The following RRAGD variants were observed in gnomAD, a reference collection of about 807,000 sequenced individuals.
The protein encoded by RRAGD is Ras related GTP binding D.
In RRAGD, 12 loss-of-function variants were observed where a neutral mutation model predicts 35.5. The ratio of observed to expected loss-of-function variants is 0.34; its 90% CI spans 0.22 to 0.55. The LOEUF (loss-of-function observed/expected upper bound fraction) is 0.55. Among genes scored for constraint, RRAGD ranks in the 20% least tolerant of loss-of-function variants. The probability of loss-of-function intolerance (pLI) is 0.91; values close to 1 mark genes in which losing one functional copy is unlikely to be tolerated. For missense variants in RRAGD, 324 were observed against 490.1 expected, an observed-to-expected ratio of 0.66 and a Z score of 3.20; for synonymous variants, 155 against 178.9, an observed-to-expected ratio of 0.87 and a Z score of 1.07.
chr6:89,384,672 G>T (rs187044633), intron 2 of RRAGD, among the ~76,000 whole-genome samples: 1 of 151,868 alleles, frequency 6.6e-6, no homozygotes. Flanking sequence ...AAAATTAGCC[G>T]GGTGTGGTGG....
Position 89,367,844 on chromosome 6 carries a change from A to AT in RRAGD, c.*211dup. On this transcript the variant is annotated 3_prime_UTR_variant, in exon 7 of 7. Transcript: ENST00000369415. ...CATTTGTGTAATGAAATGACAATGG[A>AT]TTTCACATCACTGTTAATATACAAG... 1 of 400,656 alleles carries AT rather than the reference A, an allele frequency of 2.5e-6. No homozygotes were observed. Among genetic ancestry groups the AT allele is most frequent in the Admixed American group, 4.3e-5 (1 of 23,382 alleles). The allele number at this position is 400,656 out of a possible 1,614,324, so 24.8% of individuals were successfully genotyped here. A position where few individuals can be genotyped will look rare whatever the true frequency, so the allele number is the denominator to read the frequency against.
Position 89,367,940 on chromosome 6 carries a change from T to A in RRAGD, c.*116A>T, listed in dbSNP as rs1057155195. 3.9e-5 allele frequency: 38 copies of A among 983,756 alleles called. No homozygotes were observed. The Middle Eastern group carries it at 9.4e-4, about 24-fold the overall frequency. 60.9% of individuals were successfully genotyped at this position (983,756 alleles called of 1,614,324 possible). ...GAGGGTTGCAGGAATTTTTTTTTTT[T>A]AACAACAAATCAATGGTATGTGTCC... On this transcript the variant is annotated 3_prime_UTR_variant, in exon 7 of 7. Transcript: ENST00000369415.
At chr6:89,373,869 CACTT>C (rs1379631715) in intron 5 of RRAGD, among the ~76,000 whole-genome samples, 1 of 152,140 alleles carries the variant, frequency 6.6e-6, no homozygotes, top group Non-Finnish European at 1.5e-5. Context: ...ATAAAATACA[CACTT>C]ATTATCATGG....
intron 5 of RRAGD, among the ~76,000 whole-genome samples, chr6:89,373,235 A>C (rs1168613105): frequency 1.3e-5 from 2 of 152,270 alleles, no homozygotes. Flanking sequence ...GATGAATCCC[A>C]GTGAAGAGTT....
chr6:89,386,447 G>T (rs1769138773), intron 2 of RRAGD, among the ~76,000 whole-genome samples: 1 of 152,122 alleles, frequency 6.6e-6, no homozygotes, highest in South Asian at 2.1e-4. Flanking sequence ...CTCGCGACTG[G>T]GAATGGGGCT....
intron 3 of RRAGD, among the ~76,000 whole-genome samples, 198 bp downstream of exon 3, chr6:89,379,970 A>G (rs148838327): frequency 1.3e-5 from 2 of 152,352 alleles, no homozygotes; most frequent in African/African-American, 4.8e-5. Context: ...TTAAAAAACA[A>G]AAAAACATCG....
chr6:89,368,763 A>G (rs1043288274), intron 6 of RRAGD, among the ~76,000 whole-genome samples: 1 of 152,196 alleles, frequency 6.6e-6, no homozygotes, highest in African/African-American at 2.4e-5. Flanking sequence ...TCAACAACCA[A>G]TGACACTCAG....
chr6:89,377,844 G>C (rs542024759), intron 4 of RRAGD, 31 bp from the exon 5 acceptor site: 3 of 1,566,768 alleles, frequency 1.9e-6, no homozygotes, highest in Non-Finnish European at 2.6e-6. Context: ...TTGCCTTAAA[G>C]CAACAGTCAA....
In RRAGD at chr6:89,411,838, G is replaced by A. The variant is rs770292082; in HGVS notation, c.148+8C>T. The A allele has an allele frequency of 1.3e-6, 2 of 1,547,796 alleles. No individual in the cohort carries two copies. The highest frequency in any genetic ancestry group is 1.7e-6 in the Non-Finnish European group (2 of 1,150,308). Reference sequence around the variant, plus strand: ...CGCGAGCCGAGGACGCGGGGGCCGGGCGCTCACCTCCCTCCTCTGTGCCGC... The same window carrying A: ...CGCGAGCCGAGGACGCGGGGGCCGGACGCTCACCTCCCTCCTCTGTGCCGC... On this transcript the variant is annotated splice_region_variant and intron_variant, in intron 1 of 6. Transcript: ENST00000369415. This position sits in a 1 kb window ranked among gnomAD's most constrained non-coding sequence, Gnocchi z 5.6.
intron 1 of RRAGD, among the ~76,000 whole-genome samples, chr6:89,410,704 C>A (rs1282460728): frequency 6.6e-6 from 1 of 152,210 alleles, no homozygotes; most frequent in Admixed American, 6.5e-5. Flanking sequence ...CTTTCTGATT[C>A]ATTGAAAGTC....
At chr6:89,387,243 G>C in intron 2 of RRAGD, 52 bp downstream of exon 2, 1 of 1,543,472 alleles carries the variant, frequency 6.5e-7, no homozygotes, top group Middle Eastern at 1.7e-4. Context: ...AACATGGGGT[G>C]GGGTGGAGGG....
intron 2 of RRAGD, among the ~76,000 whole-genome samples, chr6:89,385,447 G>C (rs550640779): frequency 6.6e-6 from 1 of 152,254 alleles, no homozygotes; most frequent in Admixed American, 6.5e-5. Context: ...CATCCCTGGA[G>C]CCTCCCCTTC....
At chr6:89,389,680 T>A (rs1769198368) in intron 1 of RRAGD, among the ~76,000 whole-genome samples, 1 of 152,142 alleles carries the variant, frequency 6.6e-6, no homozygotes, top group Non-Finnish European at 1.5e-5. Context: ...AGAAAACCGC[T>A]TAATTGGTAA....
chr6:89,376,166 C>T (rs751507021), intron 5 of RRAGD, among the ~76,000 whole-genome samples: 5 of 152,088 alleles, frequency 3.3e-5, no homozygotes, highest in African/African-American at 4.8e-5. Flanking sequence ...CAGATGTCAG[C>T]GTTTAATTAT....
Position 89,390,980 on chromosome 6 carries a change from T to C in RRAGD, c.149-3390A>G, listed in dbSNP as rs1769222378. 3.3e-5 allele frequency among the ~76,000 whole-genome samples: 5 copies of C among 151,964 alleles called. No homozygotes were observed. In the South Asian group the frequency reaches 1.0e-3, roughly 32 times the overall value. On this transcript the variant is annotated intron_variant, in intron 1 of 6. Transcript: ENST00000369415. ...TACCAAAAAAAATTGAAATCATATA[T>C]CCAGGCAAAAACTTCTACACGAATG...
chr6:89,392,444 C>G lies in RRAGD; in HGVS notation c.149-4854G>C, dbSNP rs192503850. Reference sequence around the variant, plus strand: ...GCCGTGAGCTTTGATTGCACTACTGCACTCCAGCCTGGACAACAGTGCAAA... The same window carrying G: ...GCCGTGAGCTTTGATTGCACTACTGGACTCCAGCCTGGACAACAGTGCAAA... On this transcript the variant is annotated intron_variant, in intron 1 of 6. Transcript: ENST00000369415. Among the ~76,000 whole-genome samples, 8 of 145,814 alleles carry G rather than the reference C, an allele frequency of 5.5e-5. No homozygotes were observed. The East Asian group carries it at 1.6e-3, about 29-fold the overall frequency.
chr6:89,386,467 A>G (rs1203036256), intron 2 of RRAGD, among the ~76,000 whole-genome samples: 1 of 152,244 alleles, frequency 6.6e-6, no homozygotes, highest in East Asian at 1.9e-4. Context: ...TCTTCAAAGC[A>G]TAGGAAACAG....
At chr6:89,375,246 T>C (rs1030359002) in intron 5 of RRAGD, among the ~76,000 whole-genome samples, 1 of 152,204 alleles carries the variant, frequency 6.6e-6, no homozygotes, top group Non-Finnish European at 1.5e-5. Context: ...TTCTTTAGAC[T>C]TTTATGTATT....
intron 1 of RRAGD, among the ~76,000 whole-genome samples, chr6:89,391,470 G>A (rs2127892575): frequency 6.6e-6 from 1 of 152,030 alleles, no homozygotes; most frequent in East Asian, 1.9e-4. Flanking sequence ...GATGAACACT[G>A]AAAATAATAA....
Sources: gnomAD v4.1 joint callset for allele counts (sites outside exome capture counted in the v4.1 genomes callset) on GRCh38, gnomAD v4.1.1 for gene constraint, Gnocchi (gnomAD v3.1) non-coding constraint, MANE v1.5 for transcripts, NCBI Gene and HGNC (gene_info 2026-07-23, HGNC 2026-07-21) for gene names.